RALGAPA1: variants seen among roughly 807,000 people sequenced by gnomAD.
RALGAPA1 encodes ral GTPase-activating protein subunit alpha-1.
In RALGAPA1, 52 loss-of-function variants were observed where a neutral mutation model predicts 269.6. The observed-to-expected ratio is 0.19, with a 90% confidence interval of 0.15 to 0.24. The LOEUF (loss-of-function observed/expected upper bound fraction) is 0.24. Among genes scored for constraint, RALGAPA1 ranks in the 10% least tolerant of loss-of-function variants. The pLI, the probability that RALGAPA1 is intolerant of heterozygous loss-of-function variation, is 1.00. For synonymous variants in RALGAPA1, 817 were observed against 1,008.3 expected (o/e 0.81, Z 3.60); for missense variants, 1,917 against 3,013.9 (o/e 0.64, Z 8.52).
At chr14:35,562,818 G>A (rs960048439) in intron 39 of RALGAPA1, among the ~76,000 whole-genome samples, 7 of 151,532 alleles carry the variant, frequency 4.6e-5, no homozygotes, top group African/African-American at 1.5e-4. Flanking sequence ...TCAGGAGATC[G>A]AGACCATCCT....
chr14:35,751,696 G>A (rs904834914), intron 8 of RALGAPA1, among the ~76,000 whole-genome samples: 6 of 151,682 alleles, frequency 4.0e-5, no homozygotes, highest in African/African-American at 1.5e-4. Context: ...TGGGAGGACT[G>A]CCTGAGCTCA....
At chr14:35,712,653 C>T (rs12147095) in intron 16 of RALGAPA1, among the ~76,000 whole-genome samples, 4,839 of 152,216 alleles carry the variant, frequency 0.032, 110 homozygotes, top group Non-Finnish European at 0.052. Context: ...ACTACAGGCA[C>T]GCGCCACTGC....
chr14:35,557,939 G>A (rs1246699964), intron 39 of RALGAPA1, among the ~76,000 whole-genome samples: 1 of 151,882 alleles, frequency 6.6e-6, no homozygotes, highest in African/African-American at 2.4e-5. Flanking sequence ...TCATCTATGG[G>A]GTCAGAATCC....
intron 31 of RALGAPA1, among the ~76,000 whole-genome samples, chr14:35,646,292 T>C (rs1365203451): frequency 2.6e-5 from 4 of 152,138 alleles, no homozygotes; most frequent in African/African-American, 9.7e-5. Context: ...TACTAATTCA[T>C]TGAAAAGGAT....
intron 4 of RALGAPA1, among the ~76,000 whole-genome samples, chr14:35,764,444 T>G (rs2073978573): frequency 6.6e-6 from 1 of 152,144 alleles, no homozygotes; most frequent in South Asian, 2.1e-4. Flanking sequence ...CTGTGTCTAT[T>G]TCTATGAATT....
chr14:35,733,885 C>T (rs1488490389), intron 12 of RALGAPA1, among the ~76,000 whole-genome samples: 1 of 151,956 alleles, frequency 6.6e-6, no homozygotes, highest in Non-Finnish European at 1.5e-5. Flanking sequence ...AGGAGATACA[C>T]CAACAGCAAC....
At chr14:35,800,732 T>C (rs1389023854) in intron 1 of RALGAPA1, among the ~76,000 whole-genome samples, 1 of 152,196 alleles carries the variant, frequency 6.6e-6, no homozygotes, top group East Asian at 1.9e-4. Flanking sequence ...CTGCCAGGCA[T>C]GGTAGCTCAC....
chr14:35,769,553 A>T (rs2074464021), intron 4 of RALGAPA1, among the ~76,000 whole-genome samples: 1 of 152,156 alleles, frequency 6.6e-6, no homozygotes, highest in African/African-American at 2.4e-5. Context: ...ACATGTAACA[A>T]ACCTGCATAT....
chr14:35,684,776 C>G (rs553613502), intron 20 of RALGAPA1, among the ~76,000 whole-genome samples, 153 bp downstream of exon 20: 2 of 152,156 alleles, frequency 1.3e-5, no homozygotes, highest in Admixed American at 1.3e-4. Flanking sequence ...GACAACATAG[C>G]AAGACCAAAT....
chr14:35,794,388 C>A (rs1201447311), intron 1 of RALGAPA1, among the ~76,000 whole-genome samples: 3 of 152,062 alleles, frequency 2.0e-5, no homozygotes, highest in Non-Finnish European at 2.9e-5. Flanking sequence ...CTTTTATAGG[C>A]AGGTTACAGT....
chr14:35,751,874 C>A, intron 8 of RALGAPA1, 150 bp downstream of exon 8: 1 of 1,039,260 alleles, frequency 9.6e-7, no homozygotes, highest in Non-Finnish European at 1.2e-6. Flanking sequence ...TATAAATTTG[C>A]TTTCAGTATG....
intron 33 of RALGAPA1, among the ~76,000 whole-genome samples, chr14:35,631,773 C>A (rs892848995): frequency 2.6e-5 from 4 of 152,106 alleles, no homozygotes; most frequent in African/African-American, 9.7e-5. Context: ...AAAACTTTTA[C>A]ATACAAAACT....
At chr14:35,759,868 T>A (rs929127307) in intron 6 of RALGAPA1, among the ~76,000 whole-genome samples, 1 of 144,906 alleles carries the variant, frequency 6.9e-6, no homozygotes. Context: ...GCCAAGGCCA[T>A]GCCACTGCAC....
intron 39 of RALGAPA1, among the ~76,000 whole-genome samples, chr14:35,551,386 T>C (rs1296316658): frequency 1.3e-5 from 2 of 152,128 alleles, no homozygotes; most frequent in African/African-American, 2.4e-5. Context: ...AGTCTTCCAA[T>C]TGATCACTCT....
At chr14:35,682,642 A>G (rs1280349404) in intron 21 of RALGAPA1, among the ~76,000 whole-genome samples, 1 of 152,148 alleles carries the variant, frequency 6.6e-6, no homozygotes, top group Admixed American at 6.5e-5. Context: ...CAGTATGCGT[A>G]GTAGGGTCTC....
intron 31 of RALGAPA1, among the ~76,000 whole-genome samples, chr14:35,640,606 T>C (rs1466088555): frequency 1.3e-5 from 2 of 152,220 alleles, no homozygotes; most frequent in Admixed American, 1.3e-4. Flanking sequence ...AAAAAGTCTG[T>C]CACCAAAGAA....
intron 14 of RALGAPA1, 85 bp downstream of exon 14, chr14:35,724,938 GA>G (rs1239137617): frequency 5.4e-6 from 6 of 1,112,220 alleles, no homozygotes; most frequent in Admixed American, 3.5e-5. Flanking sequence ...AGGGTTCAAT[GA>G]ATTTTAAAAA....
chr14:35,548,644 T>C (rs2054679455), intron 40 of RALGAPA1, 106 bp from the exon 41 acceptor site: 8 of 710,546 alleles, frequency 1.1e-5, no homozygotes, highest in South Asian at 6.1e-5. Context: ...AAATTAATCA[T>C]AAAATGCAGT....
chr14:35,645,709 G>A (rs10143196), intron 31 of RALGAPA1, among the ~76,000 whole-genome samples: 12,756 of 144,124 alleles, frequency 0.089, 886 homozygotes, highest in East Asian at 0.37. Context: ...CAGCCTGGGC[G>A]ACAGAGCGAG....
Sources: gnomAD v4.1 joint callset for allele counts (sites outside exome capture counted in the v4.1 genomes callset) on GRCh38, gnomAD v4.1.1 for gene constraint, MANE v1.5 for transcripts, NCBI Gene and HGNC (gene_info 2026-07-23, HGNC 2026-07-21) for gene names.